The following KCTD16 variants were observed in gnomAD, a reference collection of about 807,000 sequenced individuals.
KCTD16 encodes the protein potassium channel tetramerization domain containing 16.
KCTD16 carries 13 observed loss-of-function variants against 33.2 expected under a neutral mutation model. That is an observed-to-expected ratio of 0.39 (90% CI 0.25 to 0.62). KCTD16 has a LOEUF of 0.62. Among genes scored for constraint, KCTD16 ranks in the 20% least tolerant of loss-of-function variants. KCTD16 has a pLI of 0.50. For synonymous variants in KCTD16, 197 were observed against 195.3 expected, an observed-to-expected ratio of 1.01 and a Z score of -0.07; for missense variants, 441 against 525.1, an observed-to-expected ratio of 0.84 and a Z score of 1.57.
rs78815708 is a variant in KCTD16, at chr5:144,193,088, T to G, written c.-326-13301T>G. On this transcript the variant is annotated intron_variant, in intron 2 of 3. Coordinates refer to ENST00000512467, the MANE Select transcript of KCTD16 (RefSeq NM_020768.4). The stretch of plus-strand genomic sequence containing the variant: ...CCTCATGTATTCTACTTCACTCTGG[T>G]CTGAGACATCATCATATATCACTAA... 5.7e-3 allele frequency among the ~76,000 whole-genome samples: 873 copies of G among 152,314 alleles called. 9 individuals carry two copies. Among genetic ancestry groups the G allele is most frequent in the African/African-American group, 0.02 (843 of 41,548 alleles).
intron 3 of KCTD16, among the ~76,000 whole-genome samples, chr5:144,288,879 C>T (rs1324244987): frequency 6.6e-6 from 1 of 152,084 alleles, no homozygotes; most frequent in Non-Finnish European, 1.5e-5. Flanking sequence ...GTAATCCCAT[C>T]ATGGCACATG....
chr5:144,465,786 GT>G (rs1167925399), intron 3 of KCTD16, among the ~76,000 whole-genome samples: 106 of 131,822 alleles, frequency 8.0e-4, no homozygotes, highest in African/African-American at 8.0e-4. Flanking sequence ...TAACTTTTTT[GT>G]TTTTTTTTTT....
chr5:144,279,174 T>C (rs1755532673), intron 3 of KCTD16, among the ~76,000 whole-genome samples: 1 of 152,252 alleles, frequency 6.6e-6, no homozygotes, highest in Admixed American at 6.5e-5. Flanking sequence ...CGAAGAGCTT[T>C]TCTTGTAGTT....
At chr5:144,354,222 A>G (rs1751517539) in intron 3 of KCTD16, among the ~76,000 whole-genome samples, 1 of 151,092 alleles carries the variant, frequency 6.6e-6, no homozygotes, top group South Asian at 2.1e-4. Context: ...GTTCAATTCA[A>G]TATATATATA....
At chr5:144,373,619 G>A (rs749677326) in intron 3 of KCTD16, among the ~76,000 whole-genome samples, 3 of 152,124 alleles carry the variant, frequency 2.0e-5, no homozygotes, top group Non-Finnish European at 2.9e-5. Context: ...TATTTTTTAC[G>A]TGATATGTCA....
chr5:144,212,216 C>A (rs1580791797), intron 3 of KCTD16, among the ~76,000 whole-genome samples: 3 of 152,108 alleles, frequency 2.0e-5, no homozygotes, highest in Admixed American at 2.0e-4. Context: ...TTTCTTATTT[C>A]TTTAAGATGC....
chr5:144,272,093 T>C (rs1404588689), intron 3 of KCTD16, among the ~76,000 whole-genome samples: 1 of 152,112 alleles, frequency 6.6e-6, no homozygotes, highest in Non-Finnish European at 1.5e-5. Flanking sequence ...CTCAAAGCAA[T>C]CTATAGATTG....
At chr5:144,407,272 A>G (rs1752830138) in intron 3 of KCTD16, among the ~76,000 whole-genome samples, 1 of 151,448 alleles carries the variant, frequency 6.6e-6, no homozygotes, top group African/African-American at 2.4e-5. Context: ...GATAAGGCAG[A>G]AAACAGCTTC....
intron 3 of KCTD16, among the ~76,000 whole-genome samples, chr5:144,310,171 C>T (rs924351454): frequency 1.3e-5 from 2 of 152,080 alleles, no homozygotes; most frequent in African/African-American, 4.8e-5. Flanking sequence ...CTGTGTCTGG[C>T]TTATTTCACT....
chr5:144,423,862 T>C (rs985496021), intron 3 of KCTD16, among the ~76,000 whole-genome samples: 1 of 152,118 alleles, frequency 6.6e-6, no homozygotes, highest in Non-Finnish European at 1.5e-5. Flanking sequence ...TTGTCTTCCC[T>C]AGGCCACATT....
intron 3 of KCTD16, among the ~76,000 whole-genome samples, chr5:144,444,169 A>C (rs1753769847): frequency 6.6e-6 from 1 of 151,838 alleles, no homozygotes; most frequent in Non-Finnish European, 1.5e-5. Flanking sequence ...TAGCAGAGAG[A>C]GTCAAAATAC....
intron 3 of KCTD16, among the ~76,000 whole-genome samples, chr5:144,215,463 T>C (rs1379069983): frequency 5.9e-5 from 9 of 152,230 alleles, no homozygotes; most frequent in Non-Finnish European, 1.3e-4. Flanking sequence ...ATGTTAATTA[T>C]CATTTCTTAA....
chr5:144,431,912 C>A (rs899888277), intron 3 of KCTD16, among the ~76,000 whole-genome samples: 6 of 152,066 alleles, frequency 3.9e-5, no homozygotes, highest in African/African-American at 1.4e-4. Context: ...AATGTTAACA[C>A]CAAACCATGT....
intron 3 of KCTD16, among the ~76,000 whole-genome samples, chr5:144,353,998 C>T (rs970827887): frequency 6.6e-6 from 1 of 152,000 alleles, no homozygotes; most frequent in African/African-American, 2.4e-5. Context: ...AACAAAGAAA[C>T]ATTTCACTGG....
intron 3 of KCTD16, among the ~76,000 whole-genome samples, chr5:144,310,363 G>A (rs1187725023): frequency 2.0e-5 from 3 of 152,112 alleles, no homozygotes; most frequent in Non-Finnish European, 4.4e-5. Flanking sequence ...ATTAGCATGT[G>A]AGTGCAGGTG....
intron 3 of KCTD16, among the ~76,000 whole-genome samples, chr5:144,330,290 G>A (rs1197313784): frequency 6.6e-6 from 1 of 151,690 alleles, no homozygotes; most frequent in East Asian, 1.9e-4. Flanking sequence ...GTGCACTCCT[G>A]TAGTCCCAGC....
intron 3 of KCTD16, among the ~76,000 whole-genome samples, chr5:144,246,770 C>A (rs918334436): frequency 6.6e-6 from 1 of 152,254 alleles, no homozygotes; most frequent in South Asian, 2.1e-4. Context: ...TCATTGTCAT[C>A]GTCCTTGTCA....
chr5:144,235,876 G>T (rs1438154457), intron 3 of KCTD16, among the ~76,000 whole-genome samples: 1 of 152,030 alleles, frequency 6.6e-6, no homozygotes, highest in African/African-American at 2.4e-5. Context: ...TTGAGAATAT[G>T]AATGTTCTCA....
intron 3 of KCTD16, among the ~76,000 whole-genome samples, chr5:144,423,919 TA>T (rs1225870366): frequency 1.3e-5 from 2 of 151,994 alleles, no homozygotes; most frequent in Middle Eastern, 6.3e-3. Flanking sequence ...ACATGAACAC[TA>T]ATGACAGCTG....
Sources: gnomAD v4.1 joint callset for allele counts (sites outside exome capture counted in the v4.1 genomes callset) on GRCh38, gnomAD v4.1.1 for gene constraint, MANE v1.5 for transcripts, NCBI Gene and HGNC (gene_info 2026-07-23, HGNC 2026-07-21) for gene names.